NOTCH4: variants seen among roughly 807,000 people sequenced by gnomAD.
NOTCH4 encodes the protein neurogenic locus notch homolog protein 4.
In NOTCH4, 138 loss-of-function variants were observed where a neutral mutation model predicts 189.0. The observed-to-expected ratio is 0.73, with a 90% confidence interval of 0.64 to 0.84. The LOEUF (loss-of-function observed/expected upper bound fraction) is 0.84, where lower values mean the gene tolerates loss of function less well. Among genes scored for constraint, NOTCH4 ranks in the 40% least tolerant of loss-of-function variants. The pLI, the probability that NOTCH4 is intolerant of heterozygous loss-of-function variation, is 0.00. For synonymous variants in NOTCH4, 942 were observed against 1,032.8 expected, an observed-to-expected ratio of 0.91 and a Z score of 1.69; for missense variants, 2,286 against 2,605.4, an observed-to-expected ratio of 0.88 and a Z score of 2.67.
intron 19 of NOTCH4, 124 bp from the exon 20 acceptor site, chr6:32,204,006 G>T: frequency 7.1e-7 from 1 of 1,405,016 alleles, no homozygotes; most frequent in Non-Finnish European, 9.8e-7. Context: ...CATCTTTTCT[G>T]GGCGGGGGTG....
Position 32,198,334 on chromosome 6 carries a change from C to A in NOTCH4, c.4756+87G>T. ...AAGGCACTCAGTCTAAAATTATTTC[C>A]TCTAGTTCTGATATTAAAGGACTCT... On this transcript the variant is annotated intron_variant, in intron 26 of 29. Transcript: ENST00000375023. The surrounding 1 kb of genome is among the most constrained non-coding windows in gnomAD (Gnocchi z 5.5). 1 of 1,376,812 alleles carries A rather than the reference C, an allele frequency of 7.3e-7. No individual in the cohort carries two copies. The allele number at this position is 1,376,812 out of a possible 1,614,324, so 85.3% of individuals were successfully genotyped here.
At chr6:32,197,250 T>C in intron 27 of NOTCH4, 49 bp downstream of exon 27, 1 of 1,514,180 alleles carries the variant, frequency 6.6e-7, no homozygotes, top group Non-Finnish European at 8.8e-7. Flanking sequence ...TGTCCAGCTT[T>C]ACTTGTAAGC....
At chr6:32,218,216 C>A in intron 8 of NOTCH4, 108 bp from the exon 9 acceptor site, 1 of 710,878 alleles carries the variant, frequency 1.4e-6, no homozygotes. Context: ...GCGGTCCTCC[C>A]CCGAGGTGCT....
intron 8 of NOTCH4, 133 bp from the exon 9 acceptor site, chr6:32,218,241 G>T: frequency 1.5e-6 from 1 of 655,984 alleles, no homozygotes; most frequent in Admixed American, 2.2e-5. Context: ...GCATGGGGTT[G>T]AATAAGATGA....
In NOTCH4 at chr6:32,210,521, C is replaced by T. The variant is rs150562011; in HGVS notation, c.2865+231G>A. On this transcript the variant is annotated intron_variant, in intron 18 of 29. Coordinates refer to ENST00000375023, the MANE Select transcript of NOTCH4 (RefSeq NM_004557.4). The surrounding 1 kb of genome is among the most constrained non-coding windows in gnomAD (Gnocchi z 4.8). Reference sequence around the variant, plus strand: ...GGCTGATGCAAGTATCTATCTGGAACGCAACAAAGGTCAGGACTCAGGCAG... The same window carrying T: ...GGCTGATGCAAGTATCTATCTGGAATGCAACAAAGGTCAGGACTCAGGCAG... Among the ~76,000 whole-genome samples the T allele has an allele frequency of 7.2e-5, 11 of 152,172 alleles. No individual in the cohort carries two copies. The highest frequency in any genetic ancestry group is 2.1e-4 in the South Asian group (1 of 4,820).
In NOTCH4 at chr6:32,202,101, C is replaced by T. The variant is rs1172182186; in HGVS notation, c.3730G>A (p.Asp1244Asn). ...DSEECLFDGY[D>N]CETPPACTPA... ...GTGCAGGCTGGAGGGGTCTCACAGT[C>T]GTAGCCATCAAACAGACACTCTTCA... is the stretch of plus-strand genomic sequence containing the variant. Residue 1244 changes from aspartate to asparagine, a missense_variant, in exon 21 of 30, where the codon GAC becomes AAC. This residue lies in a region of NOTCH4 where 1,903 missense variants were observed against 2,261.9 expected (regional missense o/e 0.84). Transcript: ENST00000375023. This position sits in a 1 kb window ranked among gnomAD's most constrained non-coding sequence, Gnocchi z 5.7. 6 of 1,492,462 alleles carry T rather than the reference C, an allele frequency of 4.0e-6. No individual in the cohort carries two copies. The highest frequency in any genetic ancestry group is 4.6e-5 in the Admixed American group (2 of 43,734). 92.5% of individuals were successfully genotyped at this position (1,492,462 alleles called of 1,614,324 possible). A position where few individuals can be genotyped will look rare whatever the true frequency, so the allele number is the denominator to read the frequency against.
At position 32,201,228 on chromosome 6, in the gene NOTCH4, GGA is replaced by G; in HGVS notation, c.4026_4027del (p.Pro1343TrpfsTer5). The G allele has an allele frequency of 1.9e-6, 3 of 1,613,048 alleles. No individual in the cohort carries two copies. Among genetic ancestry groups the G allele is most frequent in the Non-Finnish European group, 2.5e-6 (3 of 1,180,006 alleles). The stretch of plus-strand genomic sequence containing the variant: ...TAGCTTTTCTTCAGCCCGGGCCCCA[GGA>G]TAGGGGTACACCATGTCCCTGCCAT... On this transcript the variant is annotated frameshift_variant, in exon 22 of 30. Transcript: ENST00000375023. LOFTEE classifies it high-confidence loss of function. This position sits in a 1 kb window ranked among gnomAD's most constrained non-coding sequence, Gnocchi z 5.5.
chr6:32,196,908 C>T lies in NOTCH4; in HGVS notation c.5200+17G>A. The stretch of plus-strand genomic sequence containing the variant: ...CTCAACTTCTCTATAGCATACATCA[C>T]CCCTTCCTCTACATACCCCATTTAT... On this transcript the variant is annotated intron_variant, in intron 28 of 29. Coordinates refer to ENST00000375023, the MANE Select transcript of NOTCH4 (RefSeq NM_004557.4). 8 of 1,612,760 alleles carry T rather than the reference C, an allele frequency of 5.0e-6. No individual in the cohort carries two copies. The highest frequency in any genetic ancestry group is 1.1e-5 in the South Asian group (1 of 91,072).
Position 32,212,482 on chromosome 6 carries a change from A to T in NOTCH4, c.2672T>A (p.Leu891Gln), listed in dbSNP as rs755223788. ...GTGCCGGCGTTGGTTACCTTGGCTCAGTGCAGCCTTCTGGCAGGAGGACAG... is the reference window on the plus strand; with the variant it reads ...GTGCCGGCGTTGGTTACCTTGGCTCTGTGCAGCCTTCTGGCAGGAGGACAG... The part of the protein sequence containing the change: ...LPLSSCQKAA[L>Q]SQGIDVSSLC... The change falls in exon 17 of 30, where the codon CTG becomes CAG. Residue 891 changes from leucine (L) to glutamine (Q), a missense_variant. This residue lies in a region of NOTCH4 where 1,903 missense variants were observed against 2,261.9 expected (regional missense o/e 0.84). Coordinates refer to ENST00000375023, the MANE Select transcript of NOTCH4 (RefSeq NM_004557.4). This position sits in a 1 kb window ranked among gnomAD's most constrained non-coding sequence, Gnocchi z 4.4. 1.4e-5 allele frequency: 23 copies of T among 1,609,036 alleles called. No homozygotes were observed. The Admixed American group carries it at 3.9e-4, about 27-fold the overall frequency.
In NOTCH4 at chr6:32,220,525, A is replaced by G. The variant is rs2127487505; in HGVS notation, c.1039T>C (p.Trp347Arg). Reference sequence around the variant, plus strand: ...TTCTCCTCACAGCTTGTGCCGCCCCAGCCACTCACACACACGCAGTGAAAG... The same window carrying G: ...TTCTCCTCACAGCTTGTGCCGCCCCGGCCACTCACACACACGCAGTGAAAG... ...GSFHCVCVSGWGGTSCEENLD... is the reference protein window; with the variant it reads ...GSFHCVCVSGRGGTSCEENLD... Residue 347 changes from tryptophan (W) to arginine (R), a missense_variant, in exon 6 of 30, where the codon TGG (tryptophan) becomes CGG (arginine). Coordinates refer to ENST00000375023, the MANE Select transcript of NOTCH4 (RefSeq NM_004557.4). 1 of 1,613,690 alleles carries G rather than the reference A, an allele frequency of 6.2e-7. No individual in the cohort carries two copies. The highest frequency in any genetic ancestry group is 8.5e-7 in the Non-Finnish European group (1 of 1,180,010).
Position 32,217,302 on chromosome 6 carries a change from A to C in NOTCH4, c.1625-36T>G. 2 of 1,387,870 alleles carry C rather than the reference A, an allele frequency of 1.4e-6. No homozygotes were observed. Among genetic ancestry groups the C allele is most frequent in the Non-Finnish European group, 2.0e-6 (2 of 977,798 alleles). The allele number at this position is 1,387,870 out of a possible 1,614,324, so 86.0% of individuals were successfully genotyped here. A position where few individuals can be genotyped will look rare whatever the true frequency, so the allele number is the denominator to read the frequency against. ...GGAAGTGGGTGGGGAGAGGAGGCCAAGGTCATCGAGGGAGGCACAGCATGG... is the reference window on the plus strand; with the variant it reads ...GGAAGTGGGTGGGGAGAGGAGGCCACGGTCATCGAGGGAGGCACAGCATGG... On this transcript the variant is annotated intron_variant, in intron 9 of 29. Coordinates refer to ENST00000375023, the MANE Select transcript of NOTCH4 (RefSeq NM_004557.4). The surrounding 1 kb of genome is among the most constrained non-coding windows in gnomAD (Gnocchi z 4.2).
At chr6:32,215,421 C>T (rs1789340587) in intron 11 of NOTCH4, 36 bp from the exon 12 acceptor site, 2 of 1,560,336 alleles carry the variant, frequency 1.3e-6, no homozygotes, top group Non-Finnish European at 1.7e-6. Flanking sequence ...GAAAACAGCT[C>T]CTCCACATCC....
At position 32,213,147 on chromosome 6, in the gene NOTCH4, C is replaced by T. The variant is rs3132961; in HGVS notation, c.2426G>A (p.Ser809Asn). 2 of 1,613,220 alleles carry T rather than the reference C, an allele frequency of 1.2e-6. No individual in the cohort carries two copies. The highest frequency in any genetic ancestry group is 2.7e-5 in the African/African-American group (2 of 74,878). Residue 809 changes from serine to asparagine, a missense_variant, in exon 15 of 30, where the codon AGC (serine) becomes AAC (asparagine). Coordinates refer to ENST00000375023, the MANE Select transcript of NOTCH4 (RefSeq NM_004557.4). ...GGGCCCTGCTCACCTGTCTGCACAG[C>T]TGGGGCGGAGCTTTCCCTCACAGCG... is the stretch of plus-strand genomic sequence containing the variant. ...GPRCEGKLRP[S>N]CADSPCRNRA...
At position 32,203,847 on chromosome 6, in the gene NOTCH4, T is replaced by C. The variant is rs1207687135; in HGVS notation, c.3154A>G (p.Ser1052Gly). 2 of 1,561,414 alleles carry C rather than the reference T, an allele frequency of 1.3e-6. No individual in the cohort carries two copies. The highest frequency in any genetic ancestry group is 2.4e-5 in the South Asian group (2 of 84,828). ...WCEVEIDPCHSQPCFHGGTCE... is the reference protein window; with the variant it reads ...WCEVEIDPCHGQPCFHGGTCE... ...GTCCCTCCATGAAAGCAGGGTTGGC[T>C]GTGGCAGGGGTCTATCTCCACCTCA... Residue 1052 changes from serine to glycine, a missense_variant, in exon 20 of 30, where the codon AGC becomes GGC. This residue lies in a region of NOTCH4 where 1,903 missense variants were observed against 2,261.9 expected (regional missense o/e 0.84). Coordinates refer to ENST00000375023, the MANE Select transcript of NOTCH4 (RefSeq NM_004557.4).
Position 32,195,945 on chromosome 6 carries a change from C to T in NOTCH4, c.5504G>A (p.Arg1835His), listed in dbSNP as rs770811387. ...TGCGCGCGGGAAGGGCCCAGCCTCGCGGCCCGGCGTGGCTTTGTGACGGGC... is the reference window on the plus strand; with the variant it reads ...TGCGCGCGGGAAGGGCCCAGCCTCGTGGCCCGGCGTGGCTTTGTGACGGGC... ...PEARHKATPG[R>H]EAGPFPRART... is the part of the protein sequence containing the mutation. The change falls in exon 30 of 30, where the codon CGC (arginine) becomes CAC (histidine). Residue 1835 changes from arginine (R) to histidine (H), a missense_variant. Physicochemically the swap from Arg to His is conservative, Grantham distance 29. Around this residue, in one of 2 missense-constraint regions of NOTCH4, gnomAD observed 383 missense variants for 343.5 expected, o/e 1.11. Coordinates refer to ENST00000375023, the MANE Select transcript of NOTCH4 (RefSeq NM_004557.4). The surrounding 1 kb of genome is among the most constrained non-coding windows in gnomAD (Gnocchi z 5.4). 126 of 1,591,398 alleles carry T rather than the reference C, an allele frequency of 7.9e-5. No individual in the cohort carries two copies. In the Middle Eastern group the frequency reaches 1.3e-3, roughly 17 times the overall value.
rs1322968201 is a variant in NOTCH4, at chr6:32,220,175, G to T, written c.1269C>A (p.Gly423=). 6.2e-7 allele frequency: 1 copy of T among 1,613,976 alleles called. No individual in the cohort carries two copies. Among genetic ancestry groups the T allele is most frequent in the South Asian group, 1.1e-5 (1 of 91,072 alleles). The part of the protein sequence containing the change: ...TGSTLCLCQP[G]YSGPTCHQDL... ...CCTGGTGGCAGGTGGGCCCCGAATA[G>T]CCAGGCTGACACAGGCAGAGTGTGG... The change falls in exon 7 of 30, where the codon GGC becomes GGA. Residue 423 remains glycine (G), a synonymous_variant. Transcript: ENST00000375023.
At chr6:32,222,481 C>G in intron 3 of NOTCH4, 30 bp downstream of exon 3, 2 of 1,492,416 alleles carry the variant, frequency 1.3e-6, no homozygotes, top group Non-Finnish European at 1.8e-6. Context: ...TCCTGCCTGT[C>G]CCCTCCTGGC....
chr6:32,206,043 A>C (rs1490168921), intron 18 of NOTCH4, among the ~76,000 whole-genome samples: 1 of 152,080 alleles, frequency 6.6e-6, no homozygotes, highest in Non-Finnish European at 1.5e-5. Flanking sequence ...TCTCAAAAAA[A>C]AAAAGCTGTG....
Position 32,219,596 on chromosome 6 carries a change from C to T in NOTCH4, c.1506G>A (p.Pro502=), listed in dbSNP as rs760505638. ...AAGGCCCCATCCAGCTGATACCTGG[C>T]GGGCAGAGGCAGTGGAAGGTGGCAA... ...DLLATFHCLC[P]PGLEGQLCEV... The change falls in exon 8 of 30, where the codon CCG becomes CCA. Residue 502 remains proline (P), a synonymous_variant. Coordinates refer to ENST00000375023, the MANE Select transcript of NOTCH4 (RefSeq NM_004557.4). The T allele has an allele frequency of 3.8e-5, 61 of 1,612,140 alleles. No homozygotes were observed. The East Asian group carries it at 4.2e-4, about 11-fold the overall frequency.
Sources: allele counts gnomAD v4.1 joint callset (sites outside exome capture counted in the v4.1 genomes callset), GRCh38; gene constraint gnomAD v4.1.1; regional missense constraint gnomAD v4.1.1; non-coding constraint Gnocchi (gnomAD v3.1); transcripts MANE v1.5; gene names NCBI Gene and HGNC (gene_info 2026-07-23, HGNC 2026-07-21).